INTS2: variants seen among roughly 807,000 people sequenced by gnomAD.
INTS2 encodes KIAA1287.
Under a neutral mutation model 139.6 loss-of-function variants are expected in INTS2, and 57 were observed. That is an observed-to-expected ratio of 0.41 (90% confidence interval 0.33 to 0.51). The LOEUF is 0.51. INTS2 is among the 20% of genes least tolerant of loss of function. The probability of loss-of-function intolerance (pLI) is 0.28; values close to 1 mark genes in which losing one functional copy is unlikely to be tolerated. For missense variants in INTS2, 1,196 were observed against 1,436.7 expected (o/e 0.83, Z 2.71); for synonymous variants, 473 against 493.4 (o/e 0.96, Z 0.55).
Position 61,869,470 on chromosome 17 carries a change from C to T in INTS2, c.3031-90G>A. 1 of 1,066,300 alleles carries T rather than the reference C, an allele frequency of 9.4e-7. No individual in the cohort carries two copies. The highest frequency in any genetic ancestry group is 2.6e-5 in the East Asian group (1 of 38,358). 66.1% of individuals were successfully genotyped at this position (1,066,300 alleles called of 1,614,324 possible). On this transcript the variant is annotated intron_variant, in intron 21 of 24. Coordinates refer to ENST00000251334, the MANE Select transcript of INTS2 (RefSeq NM_001351695.2). This position sits in a 1 kb window ranked among gnomAD's most constrained non-coding sequence, Gnocchi z 5.4. ...ACAAATGAAAGATTTCATTTCCTTTCTGTAAAAATTGCTCAGAAGGCTATA... is the reference window on the plus strand; with the variant it reads ...ACAAATGAAAGATTTCATTTCCTTTTTGTAAAAATTGCTCAGAAGGCTATA...
rs1429115477 is a variant in INTS2, at chr17:61,924,998, C to T, written c.395G>A (p.Arg132His). The change falls in exon 3 of 25, where the codon CGT (arginine) becomes CAT (histidine). Residue 132 changes from arginine (R) to histidine (H), a missense_variant. Coordinates refer to ENST00000251334, the MANE Select transcript of INTS2 (RefSeq NM_001351695.2). Reference sequence around the variant, plus strand: ...TGCCAACAGTTCACTAAGCACAAGACGCAATCGACGAGGTGAATCACTGTG... The same window carrying T: ...TGCCAACAGTTCACTAAGCACAAGATGCAATCGACGAGGTGAATCACTGTG... ...FEHSDSPRRL[R>H]LVLSELLAIM... 6 of 1,613,256 alleles carry T rather than the reference C, an allele frequency of 3.7e-6. No homozygotes were observed. The highest frequency in any genetic ancestry group is 5.1e-6 in the Non-Finnish European group (6 of 1,179,596).
chr17:61,926,528 G>C lies in INTS2; in HGVS notation c.117C>G (p.Pro39=). 6.2e-7 allele frequency: 1 copy of C among 1,613,844 alleles called. No individual in the cohort carries two copies. The highest frequency in any genetic ancestry group is 8.5e-7 in the Non-Finnish European group (1 of 1,179,790). ...CACAAAGTGCCATCCGTACCAAACA[G>C]GGCAGAAGAAGTCTTAATTCTGGAT... ...LSDPELRLLL[P]CLVRMALCAP... Residue 39 remains proline (P), a synonymous_variant, in exon 2 of 25, where the codon CCC becomes CCG. Transcript: ENST00000251334.
At chr17:61,895,118 T>C (rs900734701) in intron 12 of INTS2, among the ~76,000 whole-genome samples, 197 bp downstream of exon 12, 11 of 152,170 alleles carry the variant, frequency 7.2e-5, no homozygotes, top group Non-Finnish European at 1.6e-4. Context: ...AAAAGATGCC[T>C]TGGTATGTTA....
intron 2 of INTS2, 41 bp from the exon 3 acceptor site, chr17:61,925,140 A>AT: frequency 6.4e-7 from 1 of 1,554,732 alleles, no homozygotes; most frequent in Non-Finnish European, 8.9e-7. Flanking sequence ...GAAAACACTG[A>AT]TATGGAAATA....
intron 5 of INTS2, among the ~76,000 whole-genome samples, chr17:61,915,342 AAAT>A (rs1377661876): frequency 1.5e-4 from 9 of 58,442 alleles, no homozygotes; most frequent in African/African-American, 6.6e-4. Context: ...CGTCTCAAAA[AAAT>A]AAATAAATAA....
chr17:61,907,290 T>C, intron 8 of INTS2, 118 bp downstream of exon 8: 2 of 757,484 alleles, frequency 2.6e-6, no homozygotes, highest in Admixed American at 2.6e-5. Flanking sequence ...GCCAGCCCAC[T>C]ACCTGAGTCC....
Position 61,891,156 on chromosome 17 carries a change from G to A in INTS2, c.1875+357C>T, listed in dbSNP as rs140538089. ...TAAAAATACAAAACATTAGCCAGGC[G>A]TTGTGGCAGGCGCCTGCAATCCTAG... On this transcript the variant is annotated intron_variant, in intron 14 of 24. Transcript: ENST00000251334. Among the ~76,000 whole-genome samples, 4 of 151,976 alleles carry A rather than the reference G, an allele frequency of 2.6e-5. No individual in the cohort carries two copies. In the East Asian group the frequency reaches 5.8e-4, roughly 22 times the overall value.
intron 5 of INTS2, 113 bp from the exon 6 acceptor site, chr17:61,912,183 C>A: frequency 1.0e-5 from 10 of 991,580 alleles, no homozygotes; most frequent in Middle Eastern, 2.2e-4. Flanking sequence ...AGAAATTGGC[C>A]AAAATGAAGC....
Position 61,865,802 on chromosome 17 carries a change from T to G in INTS2, c.*1755A>C, listed in dbSNP as rs926984426. 1.3e-5 allele frequency: 2 copies of G among 152,264 alleles called. No individual in the cohort carries two copies. Among genetic ancestry groups the G allele is most frequent in the African/African-American group, 4.8e-5 (2 of 41,460 alleles). The allele number at this position is 152,264 out of a possible 1,614,324, so 9.4% of individuals were successfully genotyped here. ...TTCTTATGCTATTTTTAAGATACTT[T>G]TATTACTTTTATTTTTCACATCAAA... is the stretch of plus-strand genomic sequence containing the variant. On this transcript the variant is annotated 3_prime_UTR_variant, in exon 25 of 25. Transcript: ENST00000251334. The surrounding 1 kb of genome is among the most constrained non-coding windows in gnomAD (Gnocchi z 4.8).
intron 15 of INTS2, among the ~76,000 whole-genome samples, chr17:61,886,764 C>T (rs2079233000): frequency 6.6e-6 from 1 of 152,194 alleles, no homozygotes; most frequent in Non-Finnish European, 1.5e-5. Flanking sequence ...TGTAATTTCA[C>T]AAAGGATGTA....
Position 61,907,535 on chromosome 17 carries a change from C to T in INTS2, c.1054G>A (p.Val352Met), listed in dbSNP as rs754881046. 1.9e-6 allele frequency: 3 copies of T among 1,595,726 alleles called. No individual in the cohort carries two copies. Among genetic ancestry groups the T allele is most frequent in the African/African-American group, 1.3e-5 (1 of 74,828 alleles). ...ILPTVRSTRI[V>M]EEADVDMEPN... ...TCCATATCCACATCAGCTTCTTCCA[C>T]AATTCGGGTGCTTCTTACTGTGGGA... The change falls in exon 8 of 25, where the codon GTG becomes ATG. Residue 352 changes from valine (V) to methionine (M), a missense_variant. Coordinates refer to ENST00000251334, the MANE Select transcript of INTS2 (RefSeq NM_001351695.2).
intron 15 of INTS2, among the ~76,000 whole-genome samples, chr17:61,885,673 C>G (rs1027766674): frequency 2.0e-5 from 3 of 150,694 alleles, no homozygotes; most frequent in Non-Finnish European, 4.4e-5. Context: ...TAGCCTGCCT[C>G]GGCCTCCCAA....
chr17:61,915,483 G>A (rs1053665314), intron 5 of INTS2, among the ~76,000 whole-genome samples: 7 of 149,502 alleles, frequency 4.7e-5, no homozygotes, highest in South Asian at 2.1e-4. Context: ...CCGAGATTGC[G>A]CCACTGCACT....
intron 17 of INTS2, among the ~76,000 whole-genome samples, chr17:61,878,931 C>CAAAAAAAAAA (rs35652350): frequency 1.9e-4 from 9 of 46,644 alleles, no homozygotes; most frequent in African/African-American, 9.4e-4. Flanking sequence ...ACCCTGTCTC[C>CAAAAAAAAAA]AAAAAAAAAA....
intron 4 of INTS2, among the ~76,000 whole-genome samples, chr17:61,920,043 A>G (rs1050931857): frequency 2.0e-5 from 3 of 152,212 alleles, no homozygotes; most frequent in Non-Finnish European, 4.4e-5. Context: ...AAAACAGTTC[A>G]GTTCCTCAAT....
chr17:61,877,948 G>A lies in INTS2; in HGVS notation c.2395C>T (p.Arg799Trp), dbSNP rs777097380. The A allele has an allele frequency of 2.2e-5, 36 of 1,613,702 alleles. No individual in the cohort carries two copies. The African/African-American group carries it at 2.5e-4, about 11-fold the overall frequency. ...MSQLLNSGVP[R>W]RILQTVNKLW... is the part of the protein sequence containing the mutation. ...TTATTGACTGTTTGCAGAATTCTCC[G>A]TGGAACCCCTGAATTCAATAGCTGG... Residue 799 changes from arginine to tryptophan, a missense_variant, in exon 18 of 25, where the codon CGG becomes TGG. Physicochemically the swap from Arg to Trp is moderately radical, Grantham distance 101 (BLOSUM62 -3). This residue lies in a region of INTS2 where 1,129 missense variants were observed against 1,341.9 expected (regional missense o/e 0.84). Transcript: ENST00000251334.
In INTS2 at chr17:61,875,127, T is replaced by C. The variant is rs899962033; in HGVS notation, c.2457-89A>G. 43 of 940,926 alleles carry C rather than the reference T, an allele frequency of 4.6e-5. No individual in the cohort carries two copies. Among genetic ancestry groups the C allele is most frequent in the East Asian group, 3.4e-4 (11 of 32,560 alleles). 58.3% of individuals were successfully genotyped at this position (940,926 alleles called of 1,614,324 possible). A position where few individuals can be genotyped will look rare whatever the true frequency, so the allele number is the denominator to read the frequency against. On this transcript the variant is annotated intron_variant, in intron 18 of 24. Transcript: ENST00000251334. The surrounding 1 kb of genome is among the most constrained non-coding windows in gnomAD (Gnocchi z 4.6). ...GTCCTTTCTATCTTAGAAAGTTATA[T>C]TCAGTAAATAATTAGAAAATACATA...
chr17:61,916,480 C>T (rs1161053803), intron 5 of INTS2, among the ~76,000 whole-genome samples: 2 of 151,882 alleles, frequency 1.3e-5, no homozygotes, highest in African/African-American at 4.8e-5. Flanking sequence ...GAATAGAAAA[C>T]CCAGAAATAA....
Position 61,927,851 on chromosome 17 carries a change from G to A in INTS2, c.-216C>T. The A allele has an allele frequency of 6.2e-7, 1 of 1,613,788 alleles. No homozygotes were observed. The highest frequency in any genetic ancestry group is 1.3e-5 in the African/African-American group (1 of 75,032). On this transcript the variant is annotated 5_prime_UTR_variant, in exon 1 of 25. Transcript: ENST00000251334. The stretch of plus-strand genomic sequence containing the variant: ...CCAACCGGGTTGTCGATACAAAGTG[G>A]GAAGGATGGGGGCACCACACAAAGG...
Sources: allele counts gnomAD v4.1 joint callset (sites outside exome capture counted in the v4.1 genomes callset), GRCh38; gene constraint gnomAD v4.1.1; regional missense constraint gnomAD v4.1.1; non-coding constraint Gnocchi (gnomAD v3.1); transcripts MANE v1.5; gene names NCBI Gene and HGNC (gene_info 2026-07-23, HGNC 2026-07-21).